Variants in GLIPR1 observed in about 807,000 individuals in gnomAD.
GLIPR1 encodes glioma pathogenesis-related protein 1.
GLIPR1 carries 38 observed loss-of-function variants against 30.3 expected under a neutral mutation model. That is an observed-to-expected ratio of 1.26 (90% CI 0.97 to 1.65). The LOEUF is 1.65. Ranked by LOEUF, GLIPR1 falls within the 40% of genes most tolerant of loss-of-function variation. GLIPR1 has a pLI of 0.00. For missense variants in GLIPR1, 285 were observed against 326.5 expected (o/e 0.87, Z 0.98); for synonymous variants, 122 against 110.6 (o/e 1.10, Z -0.65).
chr12:75,489,923 G>A (rs1018443065), intron 2 of GLIPR1: 2 of 154,882 alleles, frequency 1.3e-5, no homozygotes, highest in South Asian at 3.9e-4. Flanking sequence ...ATCAGATCTT[G>A]GCTTCACTTG....
In GLIPR1 at chr12:75,481,838, G is replaced by C; in HGVS notation, c.179G>C (p.Trp60Ser). ...PTASDMLYMT[W>S]DPALAQIAKA... ...GTTTAATGTTTATTTTTGCAGACTT[G>C]GGACCCAGCACTAGCCCAAATTGCA... Residue 60 changes from tryptophan to serine, a missense_variant, in exon 2 of 6, where the codon TGG (tryptophan) becomes TCG (serine). By Grantham distance (177) the Trp-to-Ser change is radical (BLOSUM62 -3). Transcript: ENST00000266659. 6.2e-7 allele frequency: 1 copy of C among 1,613,816 alleles called. No homozygotes were observed. Among genetic ancestry groups the C allele is most frequent in the East Asian group, 2.2e-5 (1 of 44,872 alleles).
intron 2 of GLIPR1, among the ~76,000 whole-genome samples, chr12:75,488,236 A>G (rs1213753483): frequency 6.6e-6 from 1 of 152,142 alleles, no homozygotes; most frequent in East Asian, 1.9e-4. Flanking sequence ...CCCAGCCCCT[A>G]TTCGAGACGG....
rs3736391 is a variant in GLIPR1 at position 75,498,700 on chromosome 12, G to A, written c.626G>A (p.Arg209Gln). 16 of 1,611,552 alleles carry A rather than the reference G, an allele frequency of 9.9e-6. No homozygotes were observed. The East Asian group carries it at 2.9e-4, about 29-fold the overall frequency. ...DKCLDNLCVN[R>Q]QRDQVKRYYS... ...CTTCCCCCTAACTTTACAGTTAACCGACAGCGAGACCAAGTCAAACGTACG... is the reference window on the plus strand; with the variant it reads ...CTTCCCCCTAACTTTACAGTTAACCAACAGCGAGACCAAGTCAAACGTACG... The change falls in exon 5 of 6, where the codon CGA becomes CAA. Residue 209 changes from arginine to glutamine, a missense_variant. Arg to Gln is a conservative substitution (Grantham distance 43). Transcript: ENST00000266659.
At chr12:75,495,811 T>A (rs1302281696) in intron 4 of GLIPR1, 149 bp downstream of exon 4, 16 of 498,956 alleles carry the variant, frequency 3.2e-5, no homozygotes, top group Admixed American at 1.0e-4. Context: ...CTTACTGTTC[T>A]AGGAATACAT....
chr12:75,501,635 C>T lies in GLIPR1; in HGVS notation c.*2657C>T. On this transcript the variant is annotated 3_prime_UTR_variant, in exon 6 of 6. Transcript: ENST00000266659. ...TGCTAAGAGAACTGATGAAAAGATA[C>T]AACTGTTTCTTAAAAAGATTCAGAC... The T allele has an allele frequency of 1.2e-6, 1 of 826,284 alleles. No individual in the cohort carries two copies. The allele number at this position is 826,284 out of a possible 1,614,324, so 51.2% of individuals were successfully genotyped here. A position where few individuals can be genotyped will look rare whatever the true frequency, so the allele number is the denominator to read the frequency against.
At chr12:75,495,720 A>G in intron 4 of GLIPR1, 58 bp downstream of exon 4, 1 of 980,982 alleles carries the variant, frequency 1.0e-6, no homozygotes, top group South Asian at 1.4e-5. Context: ...GTAACTTTCT[A>G]CAGAATTAAC....
chr12:75,491,177 ATTG>A (rs1228279802), intron 3 of GLIPR1: 2 of 70,648 alleles, frequency 2.8e-5, no homozygotes, highest in African/African-American at 7.6e-5. Flanking sequence ...AAAATGATAG[ATTG>A]TTTATATAAT....
chr12:75,492,595 T>C (rs2046329592), intron 3 of GLIPR1: 1 of 152,240 alleles, frequency 6.6e-6, no homozygotes, highest in Non-Finnish European at 1.5e-5. Context: ...ATGATTTTTA[T>C]TCATTAAAGT....
chr12:75,490,195 TCACACACACACA>T (rs71829276), intron 2 of GLIPR1, among the ~76,000 whole-genome samples, 199 bp from the exon 3 acceptor site: 2,570 of 141,696 alleles, frequency 0.018, 28 homozygotes, highest in Non-Finnish European at 0.029. Context: ...TTATCTTATT[TCACACACACACA>T]CACACACACA....
chr12:75,503,579 C>T lies in GLIPR1; in HGVS notation c.*4601C>T. On this transcript the variant is annotated 3_prime_UTR_variant, in exon 6 of 6. Transcript: ENST00000266659. The stretch of plus-strand genomic sequence containing the variant: ...TCAGAACAAGAACAACCATAGAGCA[C>T]ACAGTCACAATAATGTTGCCAAATC... 5.6e-6 allele frequency: 1 copy of T among 178,606 alleles called. No homozygotes were observed. The highest frequency in any genetic ancestry group is 1.2e-5 in the Non-Finnish European group (1 of 85,660). 11.1% of individuals were successfully genotyped at this position (178,606 alleles called of 1,614,324 possible).
chr12:75,495,643 G>C lies in GLIPR1; in HGVS notation c.600G>C (p.Lys200Asn), dbSNP rs761963810. ...GCAGTGCCTGCCCCAATAATGACAA[G>C]TGTTTGGACAATCTCTGTGGTGAGT... ...ATCSACPNND[K>N]CLDNLCVNRQ... Residue 200 changes from lysine to asparagine, a missense_variant, in exon 4 of 6, where the codon AAG becomes AAC. Physicochemically the swap from Lys to Asn is moderately conservative, Grantham distance 94. Coordinates refer to ENST00000266659, the MANE Select transcript of GLIPR1 (RefSeq NM_006851.3). 164 of 1,606,670 alleles carry C rather than the reference G, an allele frequency of 1.0e-4. No homozygotes were observed. Among genetic ancestry groups the C allele is most frequent in the Non-Finnish European group, 1.4e-4 (161 of 1,173,464 alleles).
At position 75,480,861 on chromosome 12, in the gene GLIPR1, G is replaced by A. The variant is rs1309045729; in HGVS notation, c.-20G>A. The A allele has an allele frequency of 1.0e-5, 16 of 1,592,214 alleles. No individual in the cohort carries two copies. The highest frequency in any genetic ancestry group is 1.4e-5 in the Non-Finnish European group (16 of 1,165,658). ...GCGGCTCTGGACTGCAGCCTCCCAA[G>A]GCTCCATGCCAGACAAAGCATGCGT... On this transcript the variant is annotated 5_prime_UTR_variant, in exon 1 of 6. Coordinates refer to ENST00000266659, the MANE Select transcript of GLIPR1 (RefSeq NM_006851.3).
In GLIPR1 at chr12:75,502,016, TTTACAA is replaced by T; in HGVS notation, c.*3044_*3049del. The T allele has an allele frequency of 6.3e-7, 1 of 1,597,278 alleles. No individual in the cohort carries two copies. The highest frequency in any genetic ancestry group is 1.1e-5 in the South Asian group (1 of 90,566). ...CTTTATCGATCTGTTGAAAACGGTA[TTTACAA>T]TTACATCAGAAATAATGTAGAGGAG... On this transcript the variant is annotated 3_prime_UTR_variant, in exon 6 of 6. Transcript: ENST00000266659.
chr12:75,481,357 CTTTTTTTTT>C (rs72137011), intron 1 of GLIPR1: 49,234 of 146,206 alleles, frequency 0.34, 7,719 homozygotes, highest in Middle Eastern at 0.44. Context: ...ATTTGGTTTT[CTTTTTTTTT>C]TTTTTTTTTT....
At position 75,488,410 on chromosome 12, in the gene GLIPR1, G is replaced by T. The variant is rs542146666; in HGVS notation, c.421-1996G>T. Among the ~76,000 whole-genome samples, 5 of 152,258 alleles carry T rather than the reference G, an allele frequency of 3.3e-5. No individual in the cohort carries two copies. In the East Asian group the frequency reaches 9.7e-4, roughly 29 times the overall value. ...AAATTAGCCGGGCATGGTGGCACAT[G>T]CCTGTAATTCCAGCTACTTGGGAGC... On this transcript the variant is annotated intron_variant, in intron 2 of 5. Transcript: ENST00000266659.
rs375247979 is a variant in GLIPR1 at position 75,498,679 on chromosome 12, C to T, written c.620-15C>T. The stretch of plus-strand genomic sequence containing the variant: ...CCCTTTTAATTTTTTTTCTTTCTTC[C>T]CCCTAACTTTACAGTTAACCGACAG... On this transcript the variant is annotated splice_polypyrimidine_tract_variant and intron_variant, in intron 4 of 5. Transcript: ENST00000266659. 3 of 1,606,926 alleles carry T rather than the reference C, an allele frequency of 1.9e-6. No homozygotes were observed. The highest frequency in any genetic ancestry group is 2.6e-6 in the Non-Finnish European group (3 of 1,174,596).
rs1566094555 is a variant in GLIPR1 at position 75,481,818 on chromosome 12, A to G, written c.175-16A>G. On this transcript the variant is annotated splice_polypyrimidine_tract_variant and intron_variant, in intron 1 of 5. Coordinates refer to ENST00000266659, the MANE Select transcript of GLIPR1 (RefSeq NM_006851.3). ...TTTCAGATGAACCCCCTATTGTTTA[A>G]TGTTTATTTTTGCAGACTTGGGACC... 7 of 1,612,754 alleles carry G rather than the reference A, an allele frequency of 4.3e-6. No individual in the cohort carries two copies. Among genetic ancestry groups the G allele is most frequent in the Non-Finnish European group, 5.9e-6 (7 of 1,178,894 alleles).
At chr12:75,496,930 C>T (rs1334213822) in intron 4 of GLIPR1, 1 of 152,146 alleles carries the variant, frequency 6.6e-6, no homozygotes, top group East Asian at 1.9e-4. Flanking sequence ...CTTTATTTCA[C>T]TTATATCACT....
intron 4 of GLIPR1, chr12:75,496,439 G>A (rs2046352139): frequency 6.6e-6 from 1 of 152,158 alleles, no homozygotes; most frequent in Middle Eastern, 3.2e-3. Flanking sequence ...GAAGCTGCAA[G>A]CAGTTAAATT....
Sources: gnomAD v4.1 joint callset for allele counts (sites outside exome capture counted in the v4.1 genomes callset) on GRCh38, gnomAD v4.1.1 for gene constraint, MANE v1.5 for transcripts, NCBI Gene and HGNC (gene_info 2026-07-23, HGNC 2026-07-21) for gene names.